AMBRA1: variants seen among roughly 807,000 people sequenced by gnomAD.
The protein encoded by AMBRA1 is autophagy and beclin 1 regulator 1, also known as activating molecule in BECN1-regulated autophagy protein 1.
Under a neutral mutation model 125.4 loss-of-function variants are expected in AMBRA1, and 47 were observed. That is an observed-to-expected ratio of 0.37 (90% CI 0.30 to 0.48). The LOEUF is 0.48. Among genes scored for constraint, AMBRA1 ranks in the 20% least tolerant of loss-of-function variants. AMBRA1 has a pLI of 0.99. For missense variants in AMBRA1, 1,331 were observed against 1,693.4 expected (o/e 0.79, Z 3.76); for synonymous variants, 626 against 655.5 (o/e 0.95, Z 0.69).
chr11:46,418,326 AAATATGTATTTTATTATTTATATAAAT>A (rs1946663491), intron 14 of AMBRA1, among the ~76,000 whole-genome samples: 1 of 3,894 alleles, frequency 2.6e-4, no homozygotes, highest in Non-Finnish European at 5.0e-4. Flanking sequence ...ATTTATATAT[AAATATGTATTTTATTATTTATATAAAT>A]ATATATTTTA....
chr11:46,512,695 C>G, intron 8 of AMBRA1, 32 bp downstream of exon 8: 2 of 1,601,824 alleles, frequency 1.2e-6, no homozygotes, highest in South Asian at 1.1e-5. Context: ...GCCCCTCCCC[C>G]CACCTAGTGC....
At chr11:46,523,670 C>T (rs901864039) in intron 7 of AMBRA1, among the ~76,000 whole-genome samples, 2 of 152,124 alleles carry the variant, frequency 1.3e-5, no homozygotes, top group African/African-American at 4.8e-5. Flanking sequence ...TGTAAAAAGT[C>T]CCACAAACAC....
chr11:46,529,576 C>T (rs976390137), intron 7 of AMBRA1, among the ~76,000 whole-genome samples: 1 of 152,172 alleles, frequency 6.6e-6, no homozygotes, highest in Non-Finnish European at 1.5e-5. Flanking sequence ...GCCAAGTACA[C>T]AAAATTGGAT....
intron 9 of AMBRA1, among the ~76,000 whole-genome samples, chr11:46,498,829 A>G (rs928752449): frequency 6.6e-6 from 1 of 152,320 alleles, no homozygotes; most frequent in Non-Finnish European, 1.5e-5. Flanking sequence ...GCTGACAATT[A>G]GACTATTAAA....
chr11:46,538,854 T>C (rs1234907768), intron 7 of AMBRA1, among the ~76,000 whole-genome samples: 1 of 152,202 alleles, frequency 6.6e-6, no homozygotes, highest in African/African-American at 2.4e-5. Context: ...ATATTTTAGA[T>C]GTATAATATC....
At chr11:46,565,808 C>T (rs1016136981) in intron 1 of AMBRA1, among the ~76,000 whole-genome samples, 9 of 151,920 alleles carry the variant, frequency 5.9e-5, no homozygotes, top group Non-Finnish European at 1.2e-4. Flanking sequence ...CTCCCTCTGT[C>T]GCCCAGGCTG....
chr11:46,592,657 C>CT (rs1236098715), intron 1 of AMBRA1, among the ~76,000 whole-genome samples: 1 of 151,940 alleles, frequency 6.6e-6, no homozygotes, highest in African/African-American at 2.4e-5. Context: ...ACTCGGGAGT[C>CT]TGAGGCAGGG....
At chr11:46,580,189 A>C (rs1471697132) in intron 1 of AMBRA1, among the ~76,000 whole-genome samples, 1 of 152,116 alleles carries the variant, frequency 6.6e-6, no homozygotes, top group Non-Finnish European at 1.5e-5. Context: ...CCCTTCCTGA[A>C]ATATGTTCCT....
Position 46,581,999 on chromosome 11 carries a change from C to T in AMBRA1, c.-121+11829G>A, listed in dbSNP as rs559259360. 2.0e-5 allele frequency among the ~76,000 whole-genome samples: 3 copies of T among 151,610 alleles called. No homozygotes were observed. The East Asian group carries it at 5.8e-4, about 29-fold the overall frequency. On this transcript the variant is annotated intron_variant, in intron 1 of 17. Transcript: ENST00000683756. Reference sequence around the variant, plus strand: ...GGCATGGTGGTGGGTGCCTGTAGTCCCAGCTACTTGGGAAGCCGAGGTGGG... The same window carrying T: ...GGCATGGTGGTGGGTGCCTGTAGTCTCAGCTACTTGGGAAGCCGAGGTGGG...
chr11:46,417,703 C>A (rs1946606939), intron 15 of AMBRA1, among the ~76,000 whole-genome samples: 2 of 152,122 alleles, frequency 1.3e-5, no homozygotes, highest in Admixed American at 6.5e-5. Context: ...AAAACATGAT[C>A]ACTAAATCAG....
chr11:46,511,682 G>A (rs1226186737), intron 8 of AMBRA1, among the ~76,000 whole-genome samples: 2 of 152,104 alleles, frequency 1.3e-5, no homozygotes, highest in African/African-American at 2.4e-5. Flanking sequence ...TTTAGATCAC[G>A]AACAGAATCC....
chr11:46,581,638 C>T (rs1350475945), intron 1 of AMBRA1, among the ~76,000 whole-genome samples: 3 of 151,294 alleles, frequency 2.0e-5, no homozygotes, highest in Non-Finnish European at 4.4e-5. Context: ...TAAATAAATA[C>T]ACAAATAAAT....
chr11:46,470,337 C>T (rs1198500111), intron 11 of AMBRA1, among the ~76,000 whole-genome samples: 1 of 152,000 alleles, frequency 6.6e-6, no homozygotes, highest in Admixed American at 6.6e-5. Context: ...GCCTATAATC[C>T]CAGCACTTTG....
At chr11:46,450,309 G>C (rs1200060391) in intron 11 of AMBRA1, among the ~76,000 whole-genome samples, 1 of 152,162 alleles carries the variant, frequency 6.6e-6, no homozygotes, top group Non-Finnish European at 1.5e-5. Context: ...GAAGTCAAAG[G>C]CTACATACTA....
chr11:46,432,197 T>C (rs1209015576), intron 14 of AMBRA1, among the ~76,000 whole-genome samples: 2 of 152,130 alleles, frequency 1.3e-5, no homozygotes, highest in Non-Finnish European at 2.9e-5. Context: ...TGGAAACAAA[T>C]AACTGCAGTT....
intron 12 of AMBRA1, among the ~76,000 whole-genome samples, chr11:46,439,152 T>C (rs1947875544): frequency 6.6e-6 from 1 of 152,064 alleles, no homozygotes; most frequent in South Asian, 2.1e-4. Context: ...CATGTGCCTG[T>C]AGGCCGAGTT....
intron 11 of AMBRA1, among the ~76,000 whole-genome samples, chr11:46,460,574 C>G (rs962550418): frequency 2.0e-5 from 3 of 152,178 alleles, no homozygotes; most frequent in Admixed American, 1.3e-4. Flanking sequence ...CCGCCCACCT[C>G]AGCCTCCCAA....
chr11:46,437,892 C>T (rs906864863), intron 12 of AMBRA1, among the ~76,000 whole-genome samples: 2 of 152,176 alleles, frequency 1.3e-5, no homozygotes, highest in Non-Finnish European at 2.9e-5. Flanking sequence ...CTTTGTGGTG[C>T]TCCATACCTT....
At chr11:46,425,006 T>C (rs903449941) in intron 14 of AMBRA1, among the ~76,000 whole-genome samples, 1 of 152,096 alleles carries the variant, frequency 6.6e-6, no homozygotes, top group African/African-American at 2.4e-5. Flanking sequence ...TGGTGGCAGG[T>C]GCCTGTAATC....
Sources: allele counts gnomAD v4.1 joint callset (sites outside exome capture counted in the v4.1 genomes callset), GRCh38; gene constraint gnomAD v4.1.1; transcripts MANE v1.5; gene names NCBI Gene and HGNC (gene_info 2026-07-23, HGNC 2026-07-21).